The following CSMD1 variants were observed in gnomAD, a reference collection of about 807,000 sequenced individuals.
CSMD1 encodes the protein CUB and sushi domain-containing protein 1.
Under a neutral mutation model 417.5 loss-of-function variants are expected in CSMD1, and 213 were observed. The ratio of observed to expected loss-of-function variants is 0.51; its 90% CI spans 0.46 to 0.57. The LOEUF is 0.57. Ranked by LOEUF, CSMD1 falls within the 20% of genes least tolerant of loss-of-function variation. CSMD1 has a pLI of 0.00. For missense variants in CSMD1, 6,923 were observed against 4,529.7 expected, an observed-to-expected ratio of 1.53 and a Z score of -15.17; for synonymous variants, 2,862 against 1,736.8, an observed-to-expected ratio of 1.65 and a Z score of -16.11.
chr8:4,445,487 T>C (rs1306414536), intron 2 of CSMD1, among the ~76,000 whole-genome samples: 2 of 152,228 alleles, frequency 1.3e-5, no homozygotes, highest in African/African-American at 4.8e-5. Flanking sequence ...TCAAAGTCTT[T>C]GCTTTCATAA....
At chr8:3,734,885 T>C (rs1392737165) in intron 6 of CSMD1, among the ~76,000 whole-genome samples, 2 of 152,194 alleles carry the variant, frequency 1.3e-5, no homozygotes, top group Non-Finnish European at 2.9e-5. Flanking sequence ...AGGGCTGTAC[T>C]GAAGCAATTT....
chr8:4,814,285 G>T (rs1384690715), intron 1 of CSMD1, among the ~76,000 whole-genome samples: 1 of 152,124 alleles, frequency 6.6e-6, no homozygotes, highest in Non-Finnish European at 1.5e-5. Flanking sequence ...CGCTCTTAAT[G>T]GCCAGGCTGG....
intron 12 of CSMD1, among the ~76,000 whole-genome samples, chr8:3,447,078 G>T (rs892628849): frequency 6.6e-6 from 1 of 152,152 alleles, no homozygotes; most frequent in African/African-American, 2.4e-5. Context: ...AACATCAGTT[G>T]TTATATTTTG....
chr8:3,219,582 T>G (rs896344246), intron 28 of CSMD1, 140 bp from the exon 29 acceptor site: 4 of 569,750 alleles, frequency 7.0e-6, no homozygotes, highest in Non-Finnish European at 8.9e-6. Flanking sequence ...AAGTTAAATG[T>G]AGTATGAATC....
intron 26 of CSMD1, among the ~76,000 whole-genome samples, chr8:3,230,482 G>GTT (rs11393906): frequency 6.6e-6 from 1 of 151,818 alleles, no homozygotes; most frequent in Non-Finnish European, 1.5e-5. Context: ...TATATCAAGG[G>GTT]TTTTTTTAAA....
intron 2 of CSMD1, among the ~76,000 whole-genome samples, chr8:4,439,854 A>G (rs1435549697): frequency 6.6e-6 from 1 of 152,204 alleles, no homozygotes; most frequent in Non-Finnish European, 1.5e-5. Context: ...CAGCTTCGAA[A>G]GATAGGATGG....
intron 15 of CSMD1, among the ~76,000 whole-genome samples, chr8:3,405,668 C>A (rs1212340013): frequency 6.6e-6 from 1 of 152,126 alleles, no homozygotes; most frequent in African/African-American, 2.4e-5. Context: ...AATTTAGACA[C>A]AGGGACAGAC....
At chr8:4,289,387 T>C (rs1262253730) in intron 3 of CSMD1, among the ~76,000 whole-genome samples, 1 of 122,006 alleles carries the variant, frequency 8.2e-6, no homozygotes, top group Non-Finnish European at 1.7e-5. Flanking sequence ...CATCGATCAA[T>C]TAGTTAAAGT....
At chr8:4,334,189 G>C (rs989030791) in intron 3 of CSMD1, among the ~76,000 whole-genome samples, 2 of 152,090 alleles carry the variant, frequency 1.3e-5, no homozygotes, top group Non-Finnish European at 2.9e-5. Flanking sequence ...TTACAGGTGT[G>C]AGCCACCATG....
chr8:3,970,778 G>C (rs1455906890), intron 5 of CSMD1, among the ~76,000 whole-genome samples: 19 of 152,168 alleles, frequency 1.2e-4, no homozygotes, highest in Non-Finnish European at 7.4e-5. Flanking sequence ...TTTTGATGGA[G>C]TTTCACTCTT....
chr8:3,420,692 C>G (rs1361271165), intron 12 of CSMD1, among the ~76,000 whole-genome samples: 2 of 152,072 alleles, frequency 1.3e-5, no homozygotes, highest in African/African-American at 4.8e-5. Flanking sequence ...AAATTCTAAA[C>G]TTTTGGGTCT....
rs200615005 is a variant in CSMD1 at position 3,949,852 on chromosome 8, T to A, written c.818+48051A>T. ...ATCTTTCATTGATTGAGGGGATCCC[T>A]GGGGACATGGCCTCCTCATTCAGCC... On this transcript the variant is annotated intron_variant, in intron 5 of 69. Coordinates refer to ENST00000635120, the MANE Select transcript of CSMD1 (RefSeq NM_033225.6). 3.1e-5 allele frequency: 14 copies of A among 454,046 alleles called. No individual in the cohort carries two copies. In the East Asian group the frequency reaches 9.7e-4, roughly 32 times the overall value. 28.1% of individuals were successfully genotyped at this position (454,046 alleles called of 1,614,324 possible). A position where few individuals can be genotyped will look rare whatever the true frequency, so the allele number is the denominator to read the frequency against.
At chr8:4,944,272 A>G (rs545074455) in intron 1 of CSMD1, among the ~76,000 whole-genome samples, 1 of 152,242 alleles carries the variant, frequency 6.6e-6, no homozygotes, top group Non-Finnish European at 1.5e-5. Flanking sequence ...TGAGGATTCT[A>G]TACTGTGAGT....
At chr8:3,969,376 A>G (rs1372862884) in intron 5 of CSMD1, among the ~76,000 whole-genome samples, 3 of 152,182 alleles carry the variant, frequency 2.0e-5, no homozygotes, top group Non-Finnish European at 4.4e-5. Flanking sequence ...CAGAAGCTGA[A>G]AAACATTGCT....
chr8:4,935,192 C>G (rs1161576641), intron 1 of CSMD1, among the ~76,000 whole-genome samples: 2 of 152,226 alleles, frequency 1.3e-5, no homozygotes, highest in Non-Finnish European at 2.9e-5. Flanking sequence ...TGCTGTTTCA[C>G]AGCTCTGCCT....
chr8:3,203,316 C>G (rs1055989728), intron 31 of CSMD1, among the ~76,000 whole-genome samples: 1 of 152,130 alleles, frequency 6.6e-6, no homozygotes, highest in African/African-American at 2.4e-5. Context: ...GGGTTCTAAC[C>G]CGTCACACAC....
Position 3,347,968 on chromosome 8 carries a change from C to T in CSMD1, c.3474+24G>A, listed in dbSNP as rs377412145. 56 of 1,520,578 alleles carry T rather than the reference C, an allele frequency of 3.7e-5. No homozygotes were observed. In the Admixed American group the frequency reaches 5.0e-4, roughly 14 times the overall value. 94.2% of individuals were successfully genotyped at this position (1,520,578 alleles called of 1,614,324 possible). On this transcript the variant is annotated intron_variant, in intron 22 of 69. Transcript: ENST00000635120. ...TTTTGAGAAGAAAACTTGGAGTCAT[C>T]ATGTTGGAGAAGATTCTTTTTACCT... is the stretch of plus-strand genomic sequence containing the variant.
chr8:3,235,623 A>T (rs1799103564), intron 26 of CSMD1, among the ~76,000 whole-genome samples: 1 of 152,216 alleles, frequency 6.6e-6, no homozygotes, highest in Non-Finnish European at 1.5e-5. Context: ...ATCATAGAGC[A>T]CAGTTTTCCT....
chr8:3,610,040 T>G (rs1004845512), intron 8 of CSMD1, among the ~76,000 whole-genome samples: 17 of 151,940 alleles, frequency 1.1e-4, no homozygotes, highest in Non-Finnish European at 1.5e-5. Flanking sequence ...GACCTCGAGA[T>G]TCACCCACCT....
Sources: allele counts gnomAD v4.1 joint callset (sites outside exome capture counted in the v4.1 genomes callset), GRCh38; gene constraint gnomAD v4.1.1; transcripts MANE v1.5; gene names NCBI Gene and HGNC (gene_info 2026-07-23, HGNC 2026-07-21).